UGT1A9: variants seen among roughly 807,000 people sequenced by gnomAD.
The protein encoded by UGT1A9 is UDP-glucuronosyltransferase 1A9.
A neutral mutation model predicts 45.0 loss-of-function variants in UGT1A9; 35 were observed. The observed-to-expected ratio is 0.78, with a 90% CI of 0.59 to 1.03. The LOEUF (loss-of-function observed/expected upper bound fraction) is 1.03. Among genes scored for constraint, UGT1A9 ranks in the 50% least tolerant of loss-of-function variants. The pLI is 0.00. For synonymous variants in UGT1A9, 278 were observed against 250.6 expected, an observed-to-expected ratio of 1.11 and a Z score of -1.03; for missense variants, 687 against 666.6, an observed-to-expected ratio of 1.03 and a Z score of -0.34.
At chr2:233,724,647 T>C (rs1247687172) in intron 1 of UGT1A9, among the ~76,000 whole-genome samples, 4 of 137,372 alleles carry the variant, frequency 2.9e-5, no homozygotes, top group African/African-American at 1.1e-4. Context: ...TGATGGCGGC[T>C]GGGAAGAGGC....
chr2:233,758,250 G>A (rs564739721), intron 1 of UGT1A9, among the ~76,000 whole-genome samples: 109 of 152,302 alleles, frequency 7.2e-4, no homozygotes, highest in African/African-American at 2.6e-3. Context: ...CCACTATTCA[G>A]ATTAGTAAGT....
At chr2:233,695,250 T>C (rs1030410433) in intron 1 of UGT1A9, among the ~76,000 whole-genome samples, 1 of 151,642 alleles carries the variant, frequency 6.6e-6, no homozygotes, top group Admixed American at 6.6e-5. Flanking sequence ...CTCAGCCTCC[T>C]GAGTAGCTGG....
intron 1 of UGT1A9, among the ~76,000 whole-genome samples, chr2:233,730,727 G>T (rs768160238): frequency 6.6e-6 from 1 of 152,112 alleles, no homozygotes; most frequent in African/African-American, 2.4e-5. Context: ...ATCAAGAAAT[G>T]GCGGAAGGGG....
Position 233,685,551 on chromosome 2 carries a change from C to T in UGT1A9, c.855+12762C>T, listed in dbSNP as rs181887946. On this transcript the variant is annotated intron_variant, in intron 1 of 4. Coordinates refer to ENST00000354728, the MANE Select transcript of UGT1A9 (RefSeq NM_021027.3). ...ATTGCTCTCGCATTCTGTTTTTGAT[C>T]CAAATTCAAATTTACCTGTTACTGG... Among the ~76,000 whole-genome samples, 1,103 of 152,292 alleles carry T rather than the reference C, an allele frequency of 7.2e-3. 7 individuals are homozygous for T. Among genetic ancestry groups the T allele is most frequent in the Non-Finnish European group, 0.013 (869 of 68,020 alleles).
chr2:233,753,154 C>T lies in UGT1A9; in HGVS notation c.856-13880C>T, dbSNP rs369458076. On this transcript the variant is annotated intron_variant, in intron 1 of 4. Transcript: ENST00000354728. The stretch of plus-strand genomic sequence containing the variant: ...TGAGTATCTTCACACATGTAAGTTC[C>T]CTTATCCGGATCACTAAAAAATGAA... 1.2e-4 allele frequency: 18 copies of T among 152,308 alleles called. No homozygotes were observed. The South Asian group carries it at 1.9e-3, about 16-fold the overall frequency. 9.4% of individuals were successfully genotyped at this position (152,308 alleles called of 1,614,324 possible). A position where few individuals can be genotyped will look rare whatever the true frequency, so the allele number is the denominator to read the frequency against.
intron 1 of UGT1A9, among the ~76,000 whole-genome samples, chr2:233,764,304 G>T (rs1377470557): frequency 6.6e-6 from 1 of 152,130 alleles, no homozygotes; most frequent in Non-Finnish European, 1.5e-5. Context: ...TCAGGGTGAA[G>T]TTTAAGGGAA....
At chr2:233,722,989 C>T (rs1375139966) in intron 1 of UGT1A9, among the ~76,000 whole-genome samples, 3 of 146,558 alleles carry the variant, frequency 2.0e-5, no homozygotes, top group South Asian at 2.4e-4. Flanking sequence ...GCTGTCTCAG[C>T]GTGGCAGAGG....
intron 1 of UGT1A9, among the ~76,000 whole-genome samples, chr2:233,700,149 G>T (rs142795640): frequency 4.4e-3 from 670 of 152,290 alleles, no homozygotes; most frequent in Non-Finnish European, 7.9e-3. Context: ...TCTCCCTATA[G>T]GGGTCTTTAC....
chr2:233,718,616 C>A (rs573810131), intron 1 of UGT1A9: 11 of 858,600 alleles, frequency 1.3e-5, no homozygotes, highest in South Asian at 5.3e-5. Context: ...TCAAGATAGG[C>A]GTGATTGGTC....
At chr2:233,749,248 AT>A (rs1216234192) in intron 1 of UGT1A9, among the ~76,000 whole-genome samples, 1 of 151,808 alleles carries the variant, frequency 6.6e-6, no homozygotes, top group Admixed American at 6.6e-5. Flanking sequence ...AAACCACATG[AT>A]TTTTTTATTG....
chr2:233,682,832 C>A, intron 1 of UGT1A9: 2 of 1,552,218 alleles, frequency 1.3e-6, no homozygotes, highest in African/African-American at 1.4e-5. Context: ...AATAATCTGG[C>A]TTTGGAAATT....
Position 233,751,308 on chromosome 2 carries a change from C to T in UGT1A9, c.856-15726C>T, listed in dbSNP as rs184289670. ...CCCATTTGGAATGGGAATATTTACC[C>T]AATTTCTGTACCCCCATTGTGTCTT... On this transcript the variant is annotated intron_variant, in intron 1 of 4. Coordinates refer to ENST00000354728, the MANE Select transcript of UGT1A9 (RefSeq NM_021027.3). Among the ~76,000 whole-genome samples the T allele has an allele frequency of 1.2e-3, 189 of 152,106 alleles. 2 individuals carry two copies. Among genetic ancestry groups the T allele is most frequent in the African/African-American group, 4.3e-3 (176 of 41,336 alleles).
intron 1 of UGT1A9, among the ~76,000 whole-genome samples, chr2:233,731,871 C>T (rs542174312): frequency 1.3e-5 from 2 of 152,330 alleles, no homozygotes; most frequent in South Asian, 4.1e-4. Flanking sequence ...CTGTCTTCCA[C>T]AATGGTTGAA....
chr2:233,672,822 A>T (rs749353376), intron 1 of UGT1A9, 33 bp downstream of exon 1: 1 of 1,576,106 alleles, frequency 6.3e-7, no homozygotes. Flanking sequence ...CCTTAAGAAT[A>T]CTTCACCTTT....
intron 1 of UGT1A9, among the ~76,000 whole-genome samples, chr2:233,733,062 C>T (rs1195165933): frequency 2.0e-5 from 3 of 152,118 alleles, no homozygotes; most frequent in Admixed American, 6.5e-5. Flanking sequence ...ATTTTATTCT[C>T]TTTGTAGCAA....
chr2:233,707,035 T>A (rs1409534303), intron 1 of UGT1A9, among the ~76,000 whole-genome samples: 1 of 152,090 alleles, frequency 6.6e-6, no homozygotes, highest in African/African-American at 2.4e-5. Context: ...GCCCCCAAGG[T>A]AGAGGAAGCT....
At chr2:233,676,183 A>G (rs558904724) in intron 1 of UGT1A9, among the ~76,000 whole-genome samples, 11 of 152,186 alleles carry the variant, frequency 7.2e-5, no homozygotes, top group Admixed American at 6.5e-4. Context: ...TCATCCAGCC[A>G]CCTCCCACCA....
intron 1 of UGT1A9, among the ~76,000 whole-genome samples, chr2:233,701,175 A>G (rs1487804881): frequency 6.6e-6 from 1 of 152,182 alleles, no homozygotes; most frequent in Non-Finnish European, 1.5e-5. Flanking sequence ...TGCCGTTATA[A>G]ACATACATGT....
chr2:233,675,642 GT>G (rs961172553), intron 1 of UGT1A9, among the ~76,000 whole-genome samples: 2 of 152,210 alleles, frequency 1.3e-5, no homozygotes, highest in African/African-American at 4.8e-5. Flanking sequence ...TATTTTCAAA[GT>G]TTTCAAACAT....
Sources: allele counts gnomAD v4.1 joint callset (sites outside exome capture counted in the v4.1 genomes callset), GRCh38; gene constraint gnomAD v4.1.1; transcripts MANE v1.5; gene names NCBI Gene and HGNC (gene_info 2026-07-23, HGNC 2026-07-21).